Variants in GPN2 observed in about 807,000 individuals in gnomAD.
GPN2 encodes GPN-loop GTPase 2.
Under a neutral mutation model 30.1 loss-of-function variants are expected in GPN2, and 27 were observed. The ratio of observed to expected loss-of-function variants is 0.90; its 90% confidence interval spans 0.66 to 1.24. GPN2 has a LOEUF of 1.24. Ranked by LOEUF, GPN2 falls within the 50% of genes most tolerant of loss-of-function variation. GPN2 has a pLI of 0.00. For synonymous variants in GPN2, 212 were observed against 174.4 expected (o/e 1.22, Z -1.70); for missense variants, 406 against 405.4 (o/e 1.00, Z -0.01).
intron 2 of GPN2, among the ~76,000 whole-genome samples, chr1:26,886,836 A>T (rs965849732): frequency 2.0e-5 from 3 of 151,618 alleles, no homozygotes; most frequent in Non-Finnish European, 4.4e-5. Context: ...AGAAAAAAAA[A>T]TACAAAATTA....
At chr1:26,881,904 T>C (rs764296093) in intron 4 of GPN2, among the ~76,000 whole-genome samples, 5 of 151,946 alleles carry the variant, frequency 3.3e-5, no homozygotes, top group Admixed American at 2.0e-4. Context: ...AGCAAGACCC[T>C]GCCTCTAAGA....
At chr1:26,885,885 G>T in intron 3 of GPN2, 88 bp downstream of exon 3, 1 of 1,082,090 alleles carries the variant, frequency 9.2e-7, no homozygotes. Context: ...AGCCGGCAAA[G>T]ACCATTCTTT....
chr1:26,886,174 G>A, intron 2 of GPN2, 41 bp from the exon 3 acceptor site: 2 of 1,482,604 alleles, frequency 1.3e-6, no homozygotes, highest in South Asian at 1.2e-5. Flanking sequence ...CCAGTATCAG[G>A]CTAAAGACCT....
At chr1:26,881,449 G>GCATATAGCTTTCACACCAT (rs1284481046) in intron 4 of GPN2, among the ~76,000 whole-genome samples, 1 of 152,214 alleles carries the variant, frequency 6.6e-6, no homozygotes, top group Non-Finnish European at 1.5e-5. Flanking sequence ...TCTACTGAAT[G>GCATATAGCTTTCACACCAT]CATATAGCTT....
At chr1:26,884,896 C>T (rs558940850) in intron 3 of GPN2, among the ~76,000 whole-genome samples, 6 of 152,088 alleles carry the variant, frequency 3.9e-5, no homozygotes, top group Admixed American at 1.3e-4. Context: ...GCAGGAGAAT[C>T]GGTTGAACCC....
At position 26,889,052 on chromosome 1, in the gene GPN2, G is replaced by C. The variant is rs769131509; in HGVS notation, c.485C>G (p.Ser162Cys). The part of the protein sequence containing the change: ...PAKFISVLCT[S>C]LATMLHVELP... ...TTCCACGTGCAGCATGGTGGCCAGGGAGGTACACAGTACTGAAATGAACTT... is the reference window on the plus strand; with the variant it reads ...TTCCACGTGCAGCATGGTGGCCAGGCAGGTACACAGTACTGAAATGAACTT... The change falls in exon 2 of 5, where the codon TCC becomes TGC. Residue 162 changes from serine (S) to cysteine (C), a missense_variant. By Grantham distance (112) the Ser-to-Cys change is moderately radical. Coordinates refer to ENST00000374135, the MANE Select transcript of GPN2 (RefSeq NM_018066.4). 6.2e-7 allele frequency: 1 copy of C among 1,613,942 alleles called. No individual in the cohort carries two copies. The highest frequency in any genetic ancestry group is 1.7e-5 in the Admixed American group (1 of 60,022).
intron 4 of GPN2, among the ~76,000 whole-genome samples, chr1:26,882,598 A>G (rs1346512084): frequency 6.6e-6 from 1 of 152,100 alleles, no homozygotes; most frequent in Non-Finnish European, 1.5e-5. Context: ...TCTATACCCT[A>G]AGACTCCTGA....
intron 4 of GPN2, among the ~76,000 whole-genome samples, chr1:26,880,623 TTA>T (rs2124292043): frequency 6.6e-6 from 1 of 152,162 alleles, no homozygotes; most frequent in South Asian, 2.1e-4. Flanking sequence ...AAATAAATTT[TTA>T]TACTTTAAAA....
At chr1:26,888,733 G>A (rs965488534) in intron 2 of GPN2, among the ~76,000 whole-genome samples, 28 of 152,312 alleles carry the variant, frequency 1.8e-4, no homozygotes, top group Middle Eastern at 3.4e-3. Context: ...ATTCACTGTC[G>A]TATCACTTTA....
intron 3 of GPN2, among the ~76,000 whole-genome samples, chr1:26,884,546 C>T (rs1336485744): frequency 6.6e-6 from 1 of 152,170 alleles, no homozygotes; most frequent in Non-Finnish European, 1.5e-5. Context: ...GGTATCCCTG[C>T]CATGTAATAA....
In GPN2 at chr1:26,876,784, C is replaced by G. The variant is rs960790910; in HGVS notation, c.*2893G>C. 2 of 151,950 alleles carry G rather than the reference C, an allele frequency of 1.3e-5. No individual in the cohort carries two copies. The highest frequency in any genetic ancestry group is 3.9e-4 in the East Asian group (2 of 5,182). The allele number at this position is 151,950 out of a possible 1,614,324, so 9.4% of individuals were successfully genotyped here. On this transcript the variant is annotated 3_prime_UTR_variant, in exon 5 of 5. Coordinates refer to ENST00000374135, the MANE Select transcript of GPN2 (RefSeq NM_018066.4). ...CTACGTTTATTGGGGAAGAAAATAC[C>G]CTTGCTGTCAAACCATGGCCTGAAA...
intron 4 of GPN2, among the ~76,000 whole-genome samples, chr1:26,883,948 G>A (rs556890072): frequency 6.6e-6 from 1 of 151,780 alleles, no homozygotes; most frequent in South Asian, 2.1e-4. Context: ...GCTGGGGCAG[G>A]AGAGTGGCGT....
Position 26,877,379 on chromosome 1 carries a change from A to G in GPN2, c.*2298T>C, listed in dbSNP as rs573034099. On this transcript the variant is annotated 3_prime_UTR_variant, in exon 5 of 5. Coordinates refer to ENST00000374135, the MANE Select transcript of GPN2 (RefSeq NM_018066.4). ...AAGCAAAGCAGTCAGTCCTATTTCA[A>G]TGCTGTTTCAGAACAGATGTCCCTA... 10 of 152,318 alleles carry G rather than the reference A, an allele frequency of 6.6e-5. No individual in the cohort carries two copies. The highest frequency in any genetic ancestry group is 2.4e-4 in the African/African-American group (10 of 41,554). 9.4% of individuals were successfully genotyped at this position (152,318 alleles called of 1,614,324 possible).
chr1:26,889,063 T>C lies in GPN2; in HGVS notation c.474A>G (p.Val158=), dbSNP rs1244403446. ...YCTDPAKFIS[V]LCTSLATMLH... Reference sequence around the variant, plus strand: ...GCATGGTGGCCAGGGAGGTACACAGTACTGAAATGAACTTGGCAGGGTCTG... The same window carrying C: ...GCATGGTGGCCAGGGAGGTACACAGCACTGAAATGAACTTGGCAGGGTCTG... Residue 158 remains valine (V), a synonymous_variant, in exon 2 of 5, where the codon GTA becomes GTG. Coordinates refer to ENST00000374135, the MANE Select transcript of GPN2 (RefSeq NM_018066.4). The C allele has an allele frequency of 9.3e-6, 15 of 1,613,746 alleles. No individual in the cohort carries two copies. Among genetic ancestry groups the C allele is most frequent in the Non-Finnish European group, 1.3e-5 (15 of 1,179,742 alleles).
chr1:26,880,546 C>T (rs1256264438), intron 4 of GPN2, among the ~76,000 whole-genome samples: 3 of 152,062 alleles, frequency 2.0e-5, no homozygotes, highest in Non-Finnish European at 4.4e-5. Flanking sequence ...CTCCTGACCT[C>T]GTGATCCGCC....
intron 3 of GPN2, 131 bp from the exon 4 acceptor site, chr1:26,884,421 T>G: frequency 2.4e-6 from 2 of 823,818 alleles, no homozygotes; most frequent in South Asian, 1.9e-5. Context: ...TAGTTCTACA[T>G]GTCCCCAAAG....
intron 3 of GPN2, among the ~76,000 whole-genome samples, chr1:26,885,737 G>T (rs554340885): frequency 6.6e-6 from 1 of 152,000 alleles, no homozygotes; most frequent in East Asian, 1.9e-4. Flanking sequence ...CTGCTACCAC[G>T]CCCAGCTAAT....
Position 26,878,952 on chromosome 1 carries a change from A to G in GPN2, c.*725T>C, listed in dbSNP as rs2081851869. ...GGAAAACTAGTTAACACTTGTCAAC[A>G]ATAGAATAAAACCATAAAACAAATA... On this transcript the variant is annotated 3_prime_UTR_variant, in exon 5 of 5. Coordinates refer to ENST00000374135, the MANE Select transcript of GPN2 (RefSeq NM_018066.4). 6.6e-6 allele frequency: 1 copy of G among 152,262 alleles called. No individual in the cohort carries two copies. The highest frequency in any genetic ancestry group is 1.5e-5 in the Non-Finnish European group (1 of 68,060). 9.4% of individuals were successfully genotyped at this position (152,262 alleles called of 1,614,324 possible).
In GPN2 at chr1:26,890,264, A is replaced by AT. The variant is rs2081915613; in HGVS notation, c.-169_-168insA. 1 of 602,084 alleles carries AT rather than the reference A, an allele frequency of 1.7e-6. No individual in the cohort carries two copies. The highest frequency in any genetic ancestry group is 2.8e-6 in the Non-Finnish European group (1 of 357,778). 37.3% of individuals were successfully genotyped at this position (602,084 alleles called of 1,614,324 possible). ...ACCGTGTCGCGCAAAAGGAGATAAC[A>AT]GGCCGATACTAACTAGACTAACTCG... On this transcript the variant is annotated 5_prime_UTR_variant, in exon 1 of 5. The change creates a new upstream start codon in the 5' untranslated region. Transcript: ENST00000374135.
Sources: gnomAD v4.1 joint callset for allele counts (sites outside exome capture counted in the v4.1 genomes callset) on GRCh38, gnomAD v4.1.1 for gene constraint, MANE v1.5 for transcripts, NCBI Gene and HGNC (gene_info 2026-07-23, HGNC 2026-07-21) for gene names.